The following SCRN1 variants were observed in gnomAD, a reference collection of about 807,000 sequenced individuals.
SCRN1 encodes secernin 1.
In SCRN1, 19 loss-of-function variants were observed where a neutral mutation model predicts 43.3. That is an observed-to-expected ratio of 0.44 (90% CI 0.31 to 0.64). The LOEUF (loss-of-function observed/expected upper bound fraction) is 0.64. SCRN1 is among the 30% of genes least tolerant of loss of function. The probability of loss-of-function intolerance (pLI) is 0.09; values close to 1 mark genes in which losing one functional copy is unlikely to be tolerated. For missense variants in SCRN1, 447 were observed against 524.1 expected (o/e 0.85, Z 1.44); for synonymous variants, 183 against 188.9 (o/e 0.97, Z 0.26).
intron 6 of SCRN1, 88 bp from the exon 7 acceptor site, chr7:29,926,720 C>T: frequency 1.6e-6 from 2 of 1,259,486 alleles, no homozygotes; most frequent in Non-Finnish European, 2.2e-6. Flanking sequence ...CAAACATTTC[C>T]CAAGCCAACT....
chr7:29,954,484 A>G (rs1308459900), intron 3 of SCRN1, among the ~76,000 whole-genome samples: 1 of 152,152 alleles, frequency 6.6e-6, no homozygotes, highest in African/African-American at 2.4e-5. Flanking sequence ...GCTCATGCCC[A>G]TTAGGAATCA....
At chr7:29,947,062 C>T (rs1325620797) in intron 3 of SCRN1, 7 of 1,052,860 alleles carry the variant, frequency 6.6e-6, no homozygotes, top group Non-Finnish European at 9.4e-6. Flanking sequence ...TGGCTGCTAC[C>T]CCTCTGCCTG....
At chr7:29,948,103 C>T (rs186434075) in intron 3 of SCRN1, among the ~76,000 whole-genome samples, 146 of 152,174 alleles carry the variant, frequency 9.6e-4, no homozygotes, top group Admixed American at 1.2e-3. Flanking sequence ...AGGGAAAGAG[C>T]GTGTGAAACT....
intron 3 of SCRN1, among the ~76,000 whole-genome samples, chr7:29,952,839 G>T (rs1434493594): frequency 6.6e-6 from 1 of 152,116 alleles, no homozygotes; most frequent in African/African-American, 2.4e-5. Flanking sequence ...TCCACTTAAG[G>T]TGCAGATGCC....
rs1303210689 is a variant in SCRN1, at chr7:29,986,722, T to G, written c.-2+2920A>C. 2.2e-5 allele frequency among the ~76,000 whole-genome samples: 3 copies of G among 137,090 alleles called. No individual in the cohort carries two copies. In the East Asian group the frequency reaches 6.0e-4, roughly 28 times the overall value. 89.9% of individuals were successfully genotyped at this position (137,090 alleles called of 152,430 possible). On this transcript the variant is annotated intron_variant, in intron 1 of 7. Coordinates refer to ENST00000242059, the MANE Select transcript of SCRN1 (RefSeq NM_014766.5). ...TTAGTTTTCTAATTTTTTTAATTTTTTTTTTTTTTTTTTTTTTTTTGAGAC... is the reference window on the plus strand; with the variant it reads ...TTAGTTTTCTAATTTTTTTAATTTTGTTTTTTTTTTTTTTTTTTTTGAGAC...
chr7:29,966,247 T>A (rs1446872421), intron 2 of SCRN1, among the ~76,000 whole-genome samples: 1 of 142,150 alleles, frequency 7.0e-6, no homozygotes, highest in African/African-American at 2.6e-5. Flanking sequence ...TCACATAGCA[T>A]CACTTCCACC....
intron 1 of SCRN1, among the ~76,000 whole-genome samples, chr7:29,972,109 A>G (rs1300803118): frequency 6.6e-6 from 1 of 152,258 alleles, no homozygotes; most frequent in Non-Finnish European, 1.5e-5. Context: ...GTGTATGCAC[A>G]AGAAAGACCT....
rs1160451644 is a variant in SCRN1 at position 29,965,398 on chromosome 7, C to T, written c.159+3511G>A. On this transcript the variant is annotated intron_variant, in intron 2 of 7. Coordinates refer to ENST00000242059, the MANE Select transcript of SCRN1 (RefSeq NM_014766.5). The surrounding 1 kb of genome is among the most constrained non-coding windows in gnomAD (Gnocchi z 4.2). ...AGAAAAGAGATGGACTCAGTCTGAA[C>T]GAGTCAGGGGCAGCGGGGAGGAGAT... Among the ~76,000 whole-genome samples the T allele has an allele frequency of 2.6e-5, 4 of 152,052 alleles. No individual in the cohort carries two copies. Among genetic ancestry groups the T allele is most frequent in the Non-Finnish European group, 5.9e-5 (4 of 68,024 alleles).
rs139915877 is a variant in SCRN1 at position 29,955,336 on chromosome 7, C to T, written c.184G>A (p.Val62Ile). ...VECTYISIDQVPRTYAIMISR... is the reference protein window; with the variant it reads ...VECTYISIDQIPRTYAIMISR... Reference sequence around the variant, plus strand: ...ATCATTATGGCATAGGTCCTTGGAACTTGGTCGATTGAAATGTAAGTGCAC... The same window carrying T: ...ATCATTATGGCATAGGTCCTTGGAATTTGGTCGATTGAAATGTAAGTGCAC... Residue 62 changes from valine (V) to isoleucine (I), a missense_variant, in exon 3 of 8, where the codon GTT becomes ATT. Val to Ile is a conservative substitution (Grantham distance 29, BLOSUM62 3). Transcript: ENST00000242059. The T allele has an allele frequency of 6.2e-7, 1 of 1,613,722 alleles. No homozygotes were observed. Among genetic ancestry groups the T allele is most frequent in the East Asian group, 2.2e-5 (1 of 44,876 alleles).
upstream of SCRN1, chr7:29,990,112 G>T (rs1789320788): frequency 1.3e-6 from 2 of 1,549,222 alleles, no homozygotes; most frequent in South Asian, 1.2e-5. Flanking sequence ...GCCTCTTCCC[G>T]ACGTTTGGTT....
At chr7:29,948,226 G>A (rs980408247) in intron 3 of SCRN1, among the ~76,000 whole-genome samples, 5 of 152,146 alleles carry the variant, frequency 3.3e-5, no homozygotes, top group African/African-American at 1.2e-4. Context: ...GCAGGCCCTG[G>A]GATCCCTGGC....
chr7:29,968,894 C>T lies in SCRN1; in HGVS notation c.159+15G>A. On this transcript the variant is annotated intron_variant, in intron 2 of 7. Transcript: ENST00000242059. Reference sequence around the variant, plus strand: ...AAAGAGAGTGTGACTCGCGAGACTGCAATGCACGGCTTACCTCAACCTTGC... The same window carrying T: ...AAAGAGAGTGTGACTCGCGAGACTGTAATGCACGGCTTACCTCAACCTTGC... The T allele has an allele frequency of 6.2e-7, 1 of 1,613,984 alleles. No individual in the cohort carries two copies. Among genetic ancestry groups the T allele is most frequent in the African/African-American group, 1.3e-5 (1 of 75,018 alleles).
intron 1 of SCRN1, among the ~76,000 whole-genome samples, chr7:29,983,615 T>C (rs1789062468): frequency 6.6e-6 from 1 of 152,190 alleles, no homozygotes; most frequent in African/African-American, 2.4e-5. Context: ...ATAGGGCTTT[T>C]GGAGAAAATC....
rs1583638836 is a variant in SCRN1 at position 29,920,247 on chromosome 7, G to GA, written c.*3709dup. 1 of 152,526 alleles carries GA rather than the reference G, an allele frequency of 6.6e-6. No homozygotes were observed. Among genetic ancestry groups the GA allele is most frequent in the Non-Finnish European group, 1.5e-5 (1 of 68,034 alleles). 9.4% of individuals were successfully genotyped at this position (152,526 alleles called of 1,614,324 possible). A position where few individuals can be genotyped will look rare whatever the true frequency, so the allele number is the denominator to read the frequency against. Reference sequence around the variant, plus strand: ...ACTACATGGCCAGTTCCCACTGCAGGAAACAGAATGATTTTCTTTTTTTTT... The same window carrying GA: ...ACTACATGGCCAGTTCCCACTGCAGGAAAACAGAATGATTTTCTTTTTTTTT... On this transcript the variant is annotated 3_prime_UTR_variant, in exon 8 of 8. Coordinates refer to ENST00000242059, the MANE Select transcript of SCRN1 (RefSeq NM_014766.5).
intron 1 of SCRN1, among the ~76,000 whole-genome samples, chr7:29,974,554 A>G (rs1353920103): frequency 6.6e-6 from 1 of 152,172 alleles, no homozygotes; most frequent in African/African-American, 2.4e-5. Flanking sequence ...TCTTCCTATT[A>G]TCTGTCAAAA....
chr7:29,925,837 CGTCTCTACT>C (rs1291875214), intron 7 of SCRN1, among the ~76,000 whole-genome samples: 1 of 136,810 alleles, frequency 7.3e-6, no homozygotes, highest in African/African-American at 2.8e-5. Flanking sequence ...GGTGAAACCC[CGTCTCTACT>C]AAAAATACAA....
chr7:29,966,332 C>T (rs1206538916), intron 2 of SCRN1, among the ~76,000 whole-genome samples: 3 of 152,210 alleles, frequency 2.0e-5, no homozygotes, highest in Non-Finnish European at 4.4e-5. Context: ...CTCACCTTTC[C>T]CTCTTCGTGG....
intron 1 of SCRN1, among the ~76,000 whole-genome samples, chr7:29,984,358 A>G (rs1429225734): frequency 3.3e-5 from 5 of 152,166 alleles, no homozygotes; most frequent in Non-Finnish European, 7.3e-5. Context: ...ATTAGCAAGC[A>G]AAAACATAAA....
At chr7:29,952,498 T>C (rs1787976218) in intron 3 of SCRN1, among the ~76,000 whole-genome samples, 1 of 152,158 alleles carries the variant, frequency 6.6e-6, no homozygotes, top group Admixed American at 6.5e-5. Flanking sequence ...GAGACCAGCC[T>C]GGTCAACATG....
Sources: allele counts gnomAD v4.1 joint callset (sites outside exome capture counted in the v4.1 genomes callset), GRCh38; gene constraint gnomAD v4.1.1; non-coding constraint Gnocchi (gnomAD v3.1); transcripts MANE v1.5; gene names NCBI Gene and HGNC (gene_info 2026-07-23, HGNC 2026-07-21).